Variants in BBS9 observed in about 807,000 individuals in gnomAD.
BBS9 encodes protein PTHB1.
Under a neutral mutation model 117.7 loss-of-function variants are expected in BBS9, and 89 were observed. The observed-to-expected ratio is 0.76, with a 90% confidence interval of 0.64 to 0.90. The LOEUF (loss-of-function observed/expected upper bound fraction) is 0.90, where lower values mean the gene tolerates loss of function less well. Ranked by LOEUF, BBS9 falls within the 40% of genes least tolerant of loss-of-function variation. The pLI, the probability that BBS9 is intolerant of heterozygous loss-of-function variation, is 0.00. For missense variants in BBS9, 982 were observed against 1,042.2 expected, an observed-to-expected ratio of 0.94 and a Z score of 0.80; for synonymous variants, 379 against 370.9, an observed-to-expected ratio of 1.02 and a Z score of -0.25.
At chr7:33,240,190 C>T (rs1163742829) in intron 5 of BBS9, among the ~76,000 whole-genome samples, 1 of 151,432 alleles carries the variant, frequency 6.6e-6, no homozygotes, top group Non-Finnish European at 1.5e-5. Context: ...ATAATGAATG[C>T]CATACCATAT....
At chr7:33,582,185 C>T (rs1364313051) in intron 21 of BBS9, among the ~76,000 whole-genome samples, 1 of 152,002 alleles carries the variant, frequency 6.6e-6, no homozygotes, top group Non-Finnish European at 1.5e-5. Flanking sequence ...TGAGGGAAGG[C>T]CTATCAGACA....
chr7:33,579,177 C>G (rs1260327692), intron 21 of BBS9, among the ~76,000 whole-genome samples: 2 of 152,156 alleles, frequency 1.3e-5, no homozygotes, highest in Admixed American at 6.5e-5. Flanking sequence ...AAGGGCCATC[C>G]TTTTCAGTGT....
intron 1 of BBS9, among the ~76,000 whole-genome samples, chr7:33,137,993 A>G (rs7804742): frequency 0.16 from 24,623 of 152,258 alleles, 2,133 homozygotes; most frequent in South Asian, 0.21. Context: ...TTTGTTGGAC[A>G]TAGGTTTAAA....
rs565542449 is a variant in BBS9, at chr7:33,233,700, T to C, written c.443-23536T>C. 2.6e-4 allele frequency among the ~76,000 whole-genome samples: 39 copies of C among 152,288 alleles called. No homozygotes were observed. In the East Asian group the frequency reaches 7.3e-3, roughly 29 times the overall value. ...GAAGGAAAAATCAAACAACTGCTGA[T>C]GCTATATCTTTTTGTTGTGTTAAAG... On this transcript the variant is annotated intron_variant, in intron 5 of 22. Transcript: ENST00000242067.
intron 21 of BBS9, among the ~76,000 whole-genome samples, chr7:33,569,407 G>GTGTGTGTATATATATATATATATATA (rs200044450): frequency 8.7e-5 from 13 of 149,500 alleles, no homozygotes; most frequent in Non-Finnish European, 1.5e-4. Flanking sequence ...ATACAGATGT[G>GTGTGTGTATATATATATATATATATA]TATATATATA....
chr7:33,522,044 A>G (rs1848699623), intron 20 of BBS9, among the ~76,000 whole-genome samples: 2 of 151,114 alleles, frequency 1.3e-5, no homozygotes, highest in Non-Finnish European at 1.5e-5. Flanking sequence ...ATGATTTCCA[A>G]TTTCATCCAT....
intron 5 of BBS9, among the ~76,000 whole-genome samples, chr7:33,181,696 C>T (rs1025885806): frequency 1.2e-4 from 18 of 152,160 alleles, no homozygotes; most frequent in African/African-American, 2.2e-4. Context: ...TAACTTTAGC[C>T]GATATGTTCA....
At chr7:33,412,274 A>T (rs982281214) in intron 19 of BBS9, among the ~76,000 whole-genome samples, 1 of 152,164 alleles carries the variant, frequency 6.6e-6, no homozygotes, top group Admixed American at 6.5e-5. Context: ...TTTTTAGTTC[A>T]TCTCCAGAGT....
At chr7:33,542,553 T>C (rs1199467935) in intron 21 of BBS9, among the ~76,000 whole-genome samples, 1 of 152,140 alleles carries the variant, frequency 6.6e-6, no homozygotes, top group African/African-American at 2.4e-5. Context: ...ATAGCTTAGC[T>C]CCCACATATC....
chr7:33,483,930 C>T (rs899775883), intron 19 of BBS9, among the ~76,000 whole-genome samples: 5 of 152,178 alleles, frequency 3.3e-5, no homozygotes, highest in Admixed American at 6.5e-5. Flanking sequence ...TGAGCCACTG[C>T]GCTGACCTCA....
chr7:33,253,570 C>G (rs915082971), intron 5 of BBS9, among the ~76,000 whole-genome samples: 4 of 152,202 alleles, frequency 2.6e-5, no homozygotes, highest in African/African-American at 9.7e-5. Flanking sequence ...CAAGATCGTG[C>G]CACTGCACTC....
chr7:33,472,816 A>G (rs967656747), intron 19 of BBS9, among the ~76,000 whole-genome samples: 2 of 152,204 alleles, frequency 1.3e-5, no homozygotes, highest in African/African-American at 4.8e-5. Context: ...GAACACGTAT[A>G]CTTTATTGTT....
chr7:33,323,212 G>A (rs575207524), intron 9 of BBS9, among the ~76,000 whole-genome samples: 9 of 152,176 alleles, frequency 5.9e-5, no homozygotes, highest in East Asian at 5.8e-4. Context: ...TTCTGCAGCC[G>A]TTAGATGAAA....
chr7:33,140,445 C>T (rs750034092), intron 1 of BBS9, among the ~76,000 whole-genome samples: 1 of 152,132 alleles, frequency 6.6e-6, no homozygotes, highest in Non-Finnish European at 1.5e-5. Flanking sequence ...ATCCTTTTAT[C>T]GTAGCCATCC....
rs551802346 is a variant in BBS9 at position 33,516,920 on chromosome 7, A to G, written c.2298+11275A>G. 9.8e-5 allele frequency among the ~76,000 whole-genome samples: 15 copies of G among 152,374 alleles called. No individual in the cohort carries two copies. The South Asian group carries it at 1.9e-3, about 19-fold the overall frequency. On this transcript the variant is annotated intron_variant, in intron 20 of 22. Transcript: ENST00000242067. ...AGAATTTGTGGATGAAATCACTAACAGTGTTAACAGGAATATGTTTCATTT... is the reference window on the plus strand; with the variant it reads ...AGAATTTGTGGATGAAATCACTAACGGTGTTAACAGGAATATGTTTCATTT...
At chr7:33,132,385 A>C (rs1454917579) in intron 1 of BBS9, among the ~76,000 whole-genome samples, 2 of 152,260 alleles carry the variant, frequency 1.3e-5, no homozygotes, top group African/African-American at 2.4e-5. Flanking sequence ...CTTGCAAAGC[A>C]TTTAGAATCC....
At chr7:33,616,493 G>GTGTGTATA (rs375605829) in intron 21 of BBS9, among the ~76,000 whole-genome samples, 1 of 136,422 alleles carries the variant, frequency 7.3e-6, no homozygotes, top group Non-Finnish European at 1.6e-5. Context: ...GTGTGTGTGT[G>GTGTGTATA]TATATATATA....
intron 19 of BBS9, among the ~76,000 whole-genome samples, chr7:33,441,472 T>C (rs1038431734): frequency 6.6e-6 from 1 of 152,192 alleles, no homozygotes. Context: ...AAAATGAAAA[T>C]CACAATAATA....
intron 19 of BBS9, among the ~76,000 whole-genome samples, chr7:33,480,328 T>C (rs912409263): frequency 6.6e-6 from 1 of 152,166 alleles, no homozygotes; most frequent in African/African-American, 2.4e-5. Context: ...TTTCTAGCAA[T>C]ACAGAAGAAG....
Sources: allele counts gnomAD v4.1 joint callset (sites outside exome capture counted in the v4.1 genomes callset), GRCh38; gene constraint gnomAD v4.1.1; transcripts MANE v1.5; gene names NCBI Gene and HGNC (gene_info 2026-07-23, HGNC 2026-07-21).